NELL1: variants seen among roughly 807,000 people sequenced by gnomAD.
The protein encoded by NELL1 is neural EGFL like 1.
NELL1 carries 76 observed loss-of-function variants against 107.4 expected under a neutral mutation model. That is an observed-to-expected ratio of 0.71 (90% CI 0.59 to 0.86). The LOEUF (loss-of-function observed/expected upper bound fraction) is 0.86. Ranked by LOEUF, NELL1 falls within the 40% of genes least tolerant of loss-of-function variation. The probability of loss-of-function intolerance (pLI) is 0.00; values close to 1 mark genes in which losing one functional copy is unlikely to be tolerated. For missense variants in NELL1, 1,024 were observed against 1,005.5 expected (o/e 1.02, Z -0.25); for synonymous variants, 353 against 341.2 (o/e 1.03, Z -0.38).
intron 3 of NELL1, among the ~76,000 whole-genome samples, chr11:20,784,148 C>T (rs535662241): frequency 1.8e-4 from 27 of 152,158 alleles, no homozygotes; most frequent in Non-Finnish European, 3.5e-4. Context: ...TAAACATTTA[C>T]AGTGTGTTTA....
intron 3 of NELL1, among the ~76,000 whole-genome samples, chr11:20,827,163 G>A (rs1309163184): frequency 2.0e-5 from 3 of 151,078 alleles, no homozygotes; most frequent in Non-Finnish European, 4.4e-5. Flanking sequence ...GCCAAGACAC[G>A]AACATTAATG....
chr11:21,291,936 A>G (rs959198078), intron 14 of NELL1, among the ~76,000 whole-genome samples: 1 of 152,130 alleles, frequency 6.6e-6, no homozygotes, highest in African/African-American at 2.4e-5. Flanking sequence ...TCAAAATAAT[A>G]AGAGCTATTT....
At chr11:21,036,981 T>G (rs1853107968) in intron 12 of NELL1, among the ~76,000 whole-genome samples, 1 of 152,086 alleles carries the variant, frequency 6.6e-6, no homozygotes, top group Admixed American at 6.6e-5. Context: ...TCATAGTGTC[T>G]TTTTTTCTTA....
chr11:20,838,804 T>C lies in NELL1; in HGVS notation c.336-8779T>C, dbSNP rs1456333739. On this transcript the variant is annotated intron_variant, in intron 3 of 19. Coordinates refer to ENST00000357134, the MANE Select transcript of NELL1 (RefSeq NM_006157.5). ...ACATATGTTTTGGTCATTAGTACAA[T>C]TACCATTACCACTACAACTACAACC... Among the ~76,000 whole-genome samples, 10 of 152,150 alleles carry C rather than the reference T, an allele frequency of 6.6e-5. No homozygotes were observed. The South Asian group carries it at 1.2e-3, about 19-fold the overall frequency.
At chr11:21,401,203 AT>A (rs199636358) in intron 15 of NELL1, among the ~76,000 whole-genome samples, 2,053 of 150,648 alleles carry the variant, frequency 0.014, 36 homozygotes, top group Non-Finnish European at 0.016. Context: ...AAAACATAAG[AT>A]TTTTTTTATT....
intron 9 of NELL1, among the ~76,000 whole-genome samples, chr11:20,936,567 A>G (rs76534414): frequency 0.012 from 1,865 of 152,212 alleles, 43 homozygotes; most frequent in African/African-American, 0.043. Flanking sequence ...TCAACATCGA[A>G]GGGGGTCTAG....
At chr11:20,922,436 C>T (rs527848302) in intron 7 of NELL1, among the ~76,000 whole-genome samples, 60 of 151,518 alleles carry the variant, frequency 4.0e-4, no homozygotes, top group African/African-American at 1.4e-3. Flanking sequence ...TGTAGTCTGC[C>T]GTCTTGGTGG....
intron 2 of NELL1, among the ~76,000 whole-genome samples, chr11:20,775,987 C>CT (rs1491254474): frequency 1.3e-4 from 20 of 152,102 alleles, no homozygotes; most frequent in African/African-American, 3.6e-4. Context: ...TTTGGTAAAC[C>CT]TTTTTTTCTT....
In NELL1 at chr11:21,203,070, T is replaced by C. The variant is rs1414712570; in HGVS notation, c.1427-26262T>C. Among the ~76,000 whole-genome samples the C allele has an allele frequency of 2.6e-5, 4 of 152,192 alleles. No individual in the cohort carries two copies. In the East Asian group the frequency reaches 7.7e-4, roughly 29 times the overall value. On this transcript the variant is annotated intron_variant, in intron 13 of 19. Coordinates refer to ENST00000357134, the MANE Select transcript of NELL1 (RefSeq NM_006157.5). ...GTGGTCAATTTTAGAATAAATGTGA[T>C]GTGGTGCTGAGAAAAATGTATATTC...
At chr11:21,486,462 C>A (rs976467914) in intron 15 of NELL1, among the ~76,000 whole-genome samples, 6 of 152,186 alleles carry the variant, frequency 3.9e-5, no homozygotes, top group Non-Finnish European at 8.8e-5. Context: ...AACATATCTA[C>A]ATCTTCAGCA....
chr11:21,519,399 A>G (rs1481828213), intron 15 of NELL1, among the ~76,000 whole-genome samples: 1 of 152,140 alleles, frequency 6.6e-6, no homozygotes, highest in African/African-American at 2.4e-5. Context: ...ATTTTCATTT[A>G]TAATATGTTT....
At chr11:20,885,324 T>G in intron 4 of NELL1, 120 bp from the exon 5 acceptor site, 1 of 673,476 alleles carries the variant, frequency 1.5e-6, no homozygotes, top group East Asian at 2.7e-5. Flanking sequence ...ATGTAAAGTG[T>G]GCCACATATT....
chr11:21,254,838 G>A (rs1409775813), intron 14 of NELL1, among the ~76,000 whole-genome samples: 1 of 152,104 alleles, frequency 6.6e-6, no homozygotes, highest in Non-Finnish European at 1.5e-5. Context: ...GATGGCCACT[G>A]AGGGGATACA....
At chr11:21,519,828 G>T (rs1375215737) in intron 15 of NELL1, among the ~76,000 whole-genome samples, 1 of 152,134 alleles carries the variant, frequency 6.6e-6, no homozygotes, top group Non-Finnish European at 1.5e-5. Flanking sequence ...GGCAGATTCT[G>T]CCAGTGTAAT....
chr11:20,966,270 C>T (rs1013474240), intron 12 of NELL1, among the ~76,000 whole-genome samples: 28 of 152,086 alleles, frequency 1.8e-4, no homozygotes, highest in African/African-American at 6.8e-4. Context: ...GGCAGAAGAG[C>T]AAGAAGTGGG....
At chr11:21,146,764 C>T (rs1423078323) in intron 13 of NELL1, among the ~76,000 whole-genome samples, 2 of 151,950 alleles carry the variant, frequency 1.3e-5, no homozygotes, top group Admixed American at 6.6e-5. Flanking sequence ...TCACTTTGGC[C>T]GGGTGCGGTG....
chr11:21,208,372 G>A (rs562812061), intron 13 of NELL1, among the ~76,000 whole-genome samples: 6 of 150,924 alleles, frequency 4.0e-5, no homozygotes, highest in Non-Finnish European at 7.4e-5. Flanking sequence ...ATTTTAACAT[G>A]CATTTTATAG....
intron 12 of NELL1, among the ~76,000 whole-genome samples, chr11:21,039,584 A>T (rs4922731): frequency 0.96 from 145,480 of 152,292 alleles, 69,811 homozygotes; most frequent in East Asian, 1. Context: ...GATTTTCTAG[A>T]TGGAGCAAAA....
chr11:21,216,767 T>C (rs566990333), intron 13 of NELL1, among the ~76,000 whole-genome samples: 1 of 152,324 alleles, frequency 6.6e-6, no homozygotes, highest in East Asian at 1.9e-4. Context: ...AACTTGCTTT[T>C]GATTTTGCAG....
Sources: gnomAD v4.1 joint callset for allele counts (sites outside exome capture counted in the v4.1 genomes callset) on GRCh38, gnomAD v4.1.1 for gene constraint, MANE v1.5 for transcripts, NCBI Gene and HGNC (gene_info 2026-07-23, HGNC 2026-07-21) for gene names.